The following GRB10 variants were observed in gnomAD, a reference collection of about 807,000 sequenced individuals.
The protein encoded by GRB10 is growth factor receptor bound protein 10, also known as growth factor receptor-bound protein 10.
A neutral mutation model predicts 80.9 loss-of-function variants in GRB10; 20 were observed. The observed-to-expected ratio is 0.25, with a 90% confidence interval of 0.17 to 0.36. The LOEUF (loss-of-function observed/expected upper bound fraction) is 0.36, where lower values mean the gene tolerates loss of function less well. Among genes scored for constraint, GRB10 ranks in the 10% least tolerant of loss-of-function variants. The pLI is 1.00. For synonymous variants in GRB10, 291 were observed against 291.5 expected (o/e 1.00, Z 0.02); for missense variants, 548 against 747.7 (o/e 0.73, Z 3.12).
intron 4 of GRB10, among the ~76,000 whole-genome samples, chr7:50,729,990 C>T (rs1342380355): frequency 2.6e-5 from 4 of 152,088 alleles, no homozygotes; most frequent in African/African-American, 4.8e-5. Context: ...GATGACCAGG[C>T]GCCGGGTAAT....
At chr7:50,642,162 C>T (rs963839232) in intron 7 of GRB10, among the ~76,000 whole-genome samples, 1 of 152,102 alleles carries the variant, frequency 6.6e-6, no homozygotes, top group African/African-American at 2.4e-5. Flanking sequence ...AAGCAGGAGG[C>T]GGAACCAGCA....
intron 7 of GRB10, among the ~76,000 whole-genome samples, chr7:50,648,775 T>C (rs368866343): frequency 1.8e-4 from 28 of 152,246 alleles, no homozygotes; most frequent in Admixed American, 5.9e-4. Context: ...AATGGACTTA[T>C]TGTTTGAAGT....
chr7:50,681,099 C>T (rs1052451496), intron 5 of GRB10, among the ~76,000 whole-genome samples: 1 of 152,194 alleles, frequency 6.6e-6, no homozygotes, highest in African/African-American at 2.4e-5. Context: ...AAGCACTACC[C>T]CGCCCTTTGA....
intron 2 of GRB10, among the ~76,000 whole-genome samples, chr7:50,764,985 A>T (rs1013445220): frequency 2.0e-5 from 3 of 152,256 alleles, no homozygotes; most frequent in African/African-American, 7.2e-5. Flanking sequence ...CAAAAAAACA[A>T]GTAACTCAAT....
chr7:50,704,203 A>C (rs973138887), intron 4 of GRB10, among the ~76,000 whole-genome samples: 1 of 152,086 alleles, frequency 6.6e-6, no homozygotes, highest in Non-Finnish European at 1.5e-5. Flanking sequence ...GCTCCAATTT[A>C]GGCAGTGAAT....
At chr7:50,703,929 C>CAG in intron 4 of GRB10, 21 bp from the exon 5 acceptor site, 3 of 1,579,486 alleles carry the variant, frequency 1.9e-6, no homozygotes, top group Middle Eastern at 3.4e-4. Context: ...AGGACCGCAG[C>CAG]AGAAAGGCTG....
chr7:50,653,186 C>T (rs1021852616), intron 7 of GRB10, among the ~76,000 whole-genome samples: 6 of 152,270 alleles, frequency 3.9e-5, no homozygotes, highest in Middle Eastern at 3.4e-3. Flanking sequence ...AGGCAGGCAC[C>T]GTCTTCCTAG....
chr7:50,792,431 G>A (rs987770273), intron 1 of GRB10: 5 of 398,346 alleles, frequency 1.3e-5, no homozygotes, highest in African/African-American at 8.2e-5. Context: ...ACAATAAAAA[G>A]TAAAGGATAC....
chr7:50,790,883 A>G (rs1419028260), intron 1 of GRB10, among the ~76,000 whole-genome samples: 2 of 152,224 alleles, frequency 1.3e-5, no homozygotes, highest in African/African-American at 2.4e-5. Context: ...GTACCCGGAA[A>G]GATCACCAAA....
chr7:50,750,658 C>G (rs1214494011), intron 3 of GRB10, among the ~76,000 whole-genome samples: 1 of 152,174 alleles, frequency 6.6e-6, no homozygotes, highest in Non-Finnish European at 1.5e-5. Context: ...CCCACGCCCA[C>G]CCCCATCTGT....
At chr7:50,709,187 T>G (rs2153672832) in intron 4 of GRB10, among the ~76,000 whole-genome samples, 1 of 152,316 alleles carries the variant, frequency 6.6e-6, no homozygotes, top group East Asian at 1.9e-4. Context: ...ACCACCTTCA[T>G]AAAGATGAAC....
intron 3 of GRB10, among the ~76,000 whole-genome samples, chr7:50,745,431 A>T (rs1419123833): frequency 1.3e-5 from 2 of 152,206 alleles, no homozygotes; most frequent in African/African-American, 4.8e-5. Context: ...TTTAAACTAT[A>T]AAAAGAGAAA....
chr7:50,629,473 A>T lies in GRB10; in HGVS notation c.505-2495T>A, dbSNP rs550221246. ...AGGCAGACAGGAGACTGAGTCAGACACAAAGGCAGGCACCTTCCAGCTCCA... is the reference window on the plus strand; with the variant it reads ...AGGCAGACAGGAGACTGAGTCAGACTCAAAGGCAGGCACCTTCCAGCTCCA... On this transcript the variant is annotated intron_variant, in intron 7 of 18. Coordinates refer to ENST00000401949, the MANE Select transcript of GRB10 (RefSeq NM_001350814.2). Among the ~76,000 whole-genome samples, 3 of 152,252 alleles carry T rather than the reference A, an allele frequency of 2.0e-5. No homozygotes were observed. The East Asian group carries it at 5.8e-4, about 29-fold the overall frequency.
At chr7:50,604,242 G>A (rs564000133) in intron 16 of GRB10, 69 bp downstream of exon 16, 1 of 1,377,982 alleles carries the variant, frequency 7.3e-7, no homozygotes, top group Non-Finnish European at 1.0e-6. Flanking sequence ...TAAGGCTGAG[G>A]GGGAGTGGAG....
chr7:50,668,884 G>C (rs2060076942), intron 7 of GRB10, among the ~76,000 whole-genome samples: 2 of 152,190 alleles, frequency 1.3e-5, no homozygotes, highest in Admixed American at 1.3e-4. Context: ...TCCTCATATG[G>C]GGACAATGGT....
At chr7:50,670,206 T>G (rs2060216609) in intron 6 of GRB10, among the ~76,000 whole-genome samples, 1 of 152,152 alleles carries the variant, frequency 6.6e-6, no homozygotes, top group African/African-American at 2.4e-5. Flanking sequence ...ACTGTGTGAT[T>G]TCACCCAGTG....
chr7:50,692,243 T>G (rs1044121686), intron 5 of GRB10, among the ~76,000 whole-genome samples: 1 of 152,130 alleles, frequency 6.6e-6, no homozygotes, highest in Admixed American at 6.6e-5. Flanking sequence ...ATCCTTGGAT[T>G]TTGGCATTTG....
At chr7:50,724,188 A>C (rs2068216439) in intron 4 of GRB10, among the ~76,000 whole-genome samples, 1 of 152,186 alleles carries the variant, frequency 6.6e-6, no homozygotes, top group Non-Finnish European at 1.5e-5. Flanking sequence ...TGGAGCTGCC[A>C]AGGACAGAAA....
chr7:50,608,618 G>T (rs965833549), intron 13 of GRB10, among the ~76,000 whole-genome samples: 1 of 152,184 alleles, frequency 6.6e-6, no homozygotes, highest in Non-Finnish European at 1.5e-5. Flanking sequence ...CCTCATGCCT[G>T]CCTGAAAGCA....
Sources: allele counts gnomAD v4.1 joint callset (sites outside exome capture counted in the v4.1 genomes callset), GRCh38; gene constraint gnomAD v4.1.1; transcripts MANE v1.5; gene names NCBI Gene and HGNC (gene_info 2026-07-23, HGNC 2026-07-21).